Variants in TANC2 observed in about 807,000 individuals in gnomAD.
The protein encoded by TANC2 is protein TANC2.
TANC2 carries 26 observed loss-of-function variants against 210.5 expected under a neutral mutation model. The ratio of observed to expected loss-of-function variants is 0.12; its 90% CI spans 0.09 to 0.17. TANC2 has a LOEUF of 0.17. TANC2 is among the 10% of genes least tolerant of loss of function. TANC2 has a pLI of 1.00. For synonymous variants in TANC2, 931 were observed against 967.1 expected (o/e 0.96, Z 0.69); for missense variants, 2,129 against 2,608.9 (o/e 0.82, Z 4.01).
chr17:63,088,107 T>C (rs2037045848), intron 3 of TANC2: 1 of 152,174 alleles, frequency 6.6e-6, no homozygotes, highest in Non-Finnish European at 1.5e-5. Context: ...GGAACCTAAT[T>C]AAATTTTTCA....
intron 4 of TANC2, among the ~76,000 whole-genome samples, chr17:63,116,597 C>G (rs2038260634): frequency 1.3e-5 from 2 of 151,284 alleles, no homozygotes; most frequent in South Asian, 4.1e-4. Context: ...TTGAAACTTT[C>G]TTTATCTAGA....
intron 2 of TANC2, among the ~76,000 whole-genome samples, chr17:63,030,074 G>A (rs905417246): frequency 5.9e-5 from 9 of 152,130 alleles, no homozygotes; most frequent in African/African-American, 2.2e-4. Flanking sequence ...GTGAGCCACT[G>A]CAGGGTTTTA....
Position 63,420,946 on chromosome 17 carries a change from A to G in TANC2, c.5216A>G (p.Gln1739Arg). ...TCACAAGGAGACATAGGAGTCAGCC[A>G]GAGCCGGTTGGTTTATCAAGGGTCA... The change falls in exon 28 of 28, where the codon CAG (glutamine) becomes CGG (arginine). Residue 1739 changes from glutamine to arginine, a missense_variant. Transcript: ENST00000689528. This position sits in a 1 kb window ranked among gnomAD's most constrained non-coding sequence, Gnocchi z 4.2. The G allele has an allele frequency of 6.2e-7, 1 of 1,614,050 alleles. No individual in the cohort carries two copies. The highest frequency in any genetic ancestry group is 8.5e-7 in the Non-Finnish European group (1 of 1,179,896).
chr17:63,409,326 A>T (rs1315244644), intron 21 of TANC2, among the ~76,000 whole-genome samples: 1 of 151,888 alleles, frequency 6.6e-6, no homozygotes, highest in Non-Finnish European at 1.5e-5. Context: ...CTAAGACTAC[A>T]GGCTCACACC....
intron 4 of TANC2, among the ~76,000 whole-genome samples, chr17:63,131,696 G>A (rs2038926193): frequency 6.6e-6 from 1 of 152,162 alleles, no homozygotes; most frequent in Non-Finnish European, 1.5e-5. Flanking sequence ...TAAAGGACTT[G>A]TTAAAACACA....
chr17:63,255,656 A>G (rs2043172800), intron 8 of TANC2, among the ~76,000 whole-genome samples: 1 of 151,894 alleles, frequency 6.6e-6, no homozygotes, highest in African/African-American at 2.4e-5. Context: ...ATCAGTTGTA[A>G]TGTCGTTTTC....
At chr17:62,974,142 G>A (rs2031866926) in intron 1 of TANC2, among the ~76,000 whole-genome samples, 2 of 152,156 alleles carry the variant, frequency 1.3e-5, no homozygotes, top group African/African-American at 4.8e-5. Context: ...GAAGGGCTTC[G>A]CAGGGCATAA....
Position 63,226,389 on chromosome 17 carries a change from G to A in TANC2, c.770-11425G>A, listed in dbSNP as rs150886807. On this transcript the variant is annotated intron_variant, in intron 7 of 27. Transcript: ENST00000689528. ...ATCTAATCCCTTTAATATGGCTTACGAGTTCTAGTCTGATCTGGACTCTGT... is the reference window on the plus strand; with the variant it reads ...ATCTAATCCCTTTAATATGGCTTACAAGTTCTAGTCTGATCTGGACTCTGT... 4.6e-5 allele frequency among the ~76,000 whole-genome samples: 7 copies of A among 152,200 alleles called. No individual in the cohort carries two copies. In the East Asian group the frequency reaches 9.7e-4, roughly 21 times the overall value.
intron 7 of TANC2, among the ~76,000 whole-genome samples, chr17:63,201,179 A>G (rs1030121392): frequency 1.1e-4 from 16 of 152,124 alleles, no homozygotes; most frequent in South Asian, 2.1e-4. Context: ...TTCCCTGATA[A>G]GAAGGAGTGG....
chr17:63,289,951 T>C (rs1217318410), intron 9 of TANC2, among the ~76,000 whole-genome samples: 1 of 151,076 alleles, frequency 6.6e-6, no homozygotes, highest in Non-Finnish European at 1.5e-5. Flanking sequence ...CTTCCCCCCC[T>C]TCAGTGGGAG....
chr17:63,053,295 G>C (rs1053779597), intron 2 of TANC2, among the ~76,000 whole-genome samples: 1 of 152,052 alleles, frequency 6.6e-6, no homozygotes, highest in Non-Finnish European at 1.5e-5. Flanking sequence ...TAATCCCATC[G>C]GGTTTCACCC....
chr17:63,186,749 G>A (rs988483212), intron 5 of TANC2, among the ~76,000 whole-genome samples: 2 of 152,170 alleles, frequency 1.3e-5, no homozygotes, highest in Admixed American at 6.5e-5. Context: ...TCCTCAACCA[G>A]ATTTCTGGGA....
chr17:63,111,645 G>A (rs1304296658), intron 4 of TANC2, among the ~76,000 whole-genome samples: 1 of 151,884 alleles, frequency 6.6e-6, no homozygotes, highest in African/African-American at 2.4e-5. Context: ...GGCACAATCT[G>A]TCTTTATCAA....
chr17:63,271,706 A>T (rs1177634642), intron 9 of TANC2, among the ~76,000 whole-genome samples: 1 of 148,906 alleles, frequency 6.7e-6, no homozygotes, highest in African/African-American at 2.5e-5. Context: ...GGTTGGCTGC[A>T]TGTTTGTCTT....
At chr17:63,023,609 T>C (rs894175718) in intron 2 of TANC2, among the ~76,000 whole-genome samples, 1 of 152,210 alleles carries the variant, frequency 6.6e-6, no homozygotes, top group Non-Finnish European at 1.5e-5. Flanking sequence ...TCTCTCCTTT[T>C]TGGCGTGGGA....
intron 12 of TANC2, among the ~76,000 whole-genome samples, chr17:63,343,041 A>G (rs192983805): frequency 5.2e-4 from 79 of 152,334 alleles, no homozygotes; most frequent in African/African-American, 1.8e-3. Flanking sequence ...TATTAGAGTG[A>G]CCCAAAAGAA....
At chr17:63,284,133 T>C (rs1271018140) in intron 9 of TANC2, among the ~76,000 whole-genome samples, 1 of 152,026 alleles carries the variant, frequency 6.6e-6, no homozygotes, top group Admixed American at 6.6e-5. Context: ...TTCTTTGCTG[T>C]TGTTAGTTTG....
chr17:63,421,579 G>A lies in TANC2; in HGVS notation c.5849G>A (p.Arg1950Gln), dbSNP rs989488359. The A allele has an allele frequency of 4.3e-6, 7 of 1,613,802 alleles. No individual in the cohort carries two copies. The highest frequency in any genetic ancestry group is 5.1e-6 in the Non-Finnish European group (6 of 1,179,848). The change falls in exon 28 of 28, where the codon CGG becomes CAG. Residue 1950 changes from arginine to glutamine, a missense_variant. Physicochemically the swap from Arg to Gln is conservative, Grantham distance 43. Transcript: ENST00000689528. The surrounding 1 kb of genome is among the most constrained non-coding windows in gnomAD (Gnocchi z 6.9). ...TACCCCCACCTCCACCAGCAGAATC[G>A]GACCTGGGCAGTGTCATCTGTGGAC...
At chr17:63,183,227 G>A (rs2040851591) in intron 5 of TANC2, among the ~76,000 whole-genome samples, 1 of 152,232 alleles carries the variant, frequency 6.6e-6, no homozygotes, top group Admixed American at 6.5e-5. Flanking sequence ...TCTGAAATGT[G>A]AGCCAGGTGT....
Sources: gnomAD v4.1 joint callset for allele counts (sites outside exome capture counted in the v4.1 genomes callset) on GRCh38, gnomAD v4.1.1 for gene constraint, Gnocchi (gnomAD v3.1) non-coding constraint, MANE v1.5 for transcripts, NCBI Gene and HGNC (gene_info 2026-07-23, HGNC 2026-07-21) for gene names.